KIFAP3: variants seen among roughly 807,000 people sequenced by gnomAD.
The protein encoded by KIFAP3 is kinesin associated protein 3.
In KIFAP3, 68 loss-of-function variants were observed where a neutral mutation model predicts 106.5. That is an observed-to-expected ratio of 0.64 (90% CI 0.53 to 0.78). The LOEUF is 0.78. Among genes scored for constraint, KIFAP3 ranks in the 30% least tolerant of loss-of-function variants. The pLI is 0.00. For synonymous variants in KIFAP3, 320 were observed against 311.5 expected (o/e 1.03, Z -0.29); for missense variants, 780 against 941.8 (o/e 0.83, Z 2.25).
chr1:169,977,360 C>G (rs936681887), intron 16 of KIFAP3, among the ~76,000 whole-genome samples: 1 of 152,086 alleles, frequency 6.6e-6, no homozygotes, highest in African/African-American at 2.4e-5. Context: ...TGATAAACTA[C>G]CAGGTACTAA....
rs1381971475 is a variant in KIFAP3, at chr1:170,034,372, C to T, written c.742G>A (p.Val248Ile). 1 of 1,604,152 alleles carries T rather than the reference C, an allele frequency of 6.2e-7. No homozygotes were observed. Among genetic ancestry groups the T allele is most frequent in the Non-Finnish European group, 8.5e-7 (1 of 1,175,946 alleles). ...TTCAAATGCCACTCTAAAAGGATATCAGCTTTCTTCTTCTTTGAGAGTTCT... is the reference window on the plus strand; with the variant it reads ...TTCAAATGCCACTCTAAAAGGATATTAGCTTTCTTCTTCTTTGAGAGTTCT... ...QEELSKKKKA[V>I]DEDPENQTLR... Residue 248 changes from valine (V) to isoleucine (I), a missense_variant and splice_region_variant, in exon 7 of 20, where the codon GTT becomes ATT. This residue lies in a region of KIFAP3 where 588 missense variants were observed against 678.9 expected (regional missense o/e 0.87). Transcript: ENST00000361580.
intron 17 of KIFAP3, among the ~76,000 whole-genome samples, chr1:169,962,746 T>C (rs1442663275): frequency 6.6e-6 from 1 of 152,240 alleles, no homozygotes; most frequent in East Asian, 1.9e-4. Flanking sequence ...ATTATTATTG[T>C]AATTTTCTTG....
chr1:170,081,277 T>A (rs1672016577), intron 1 of KIFAP3, among the ~76,000 whole-genome samples: 1 of 152,182 alleles, frequency 6.6e-6, no homozygotes, highest in African/African-American at 2.4e-5. Flanking sequence ...CTCTAGCTAA[T>A]AAGCACATAG....
At chr1:169,944,712 C>G (rs996276002) in intron 19 of KIFAP3, among the ~76,000 whole-genome samples, 1 of 152,102 alleles carries the variant, frequency 6.6e-6, no homozygotes, top group Non-Finnish European at 1.5e-5. Flanking sequence ...TTTCTGCAGG[C>G]GGCCTGATGA....
In KIFAP3 at chr1:170,065,340, G is replaced by A. The variant is rs936981280; in HGVS notation, c.32+9096C>T. Among the ~76,000 whole-genome samples the A allele has an allele frequency of 1.1e-4, 16 of 152,018 alleles. No homozygotes were observed. In the East Asian group the frequency reaches 1.7e-3, roughly 17 times the overall value. ...ATAAAAGAAATATTGGTGGCCGGGC[G>A]CAGTGGCTCACGCCTGTAATCCCAG... On this transcript the variant is annotated intron_variant, in intron 1 of 19. Coordinates refer to ENST00000361580, the MANE Select transcript of KIFAP3 (RefSeq NM_014970.4).
chr1:169,989,431 C>A (rs1666993162), intron 11 of KIFAP3, among the ~76,000 whole-genome samples: 3 of 151,916 alleles, frequency 2.0e-5, no homozygotes, highest in Non-Finnish European at 4.4e-5. Context: ...CAGTTCATAT[C>A]CTGTGGTCAA....
At chr1:169,962,118 T>G (rs1665371332) in intron 17 of KIFAP3, among the ~76,000 whole-genome samples, 1 of 152,124 alleles carries the variant, frequency 6.6e-6, no homozygotes, top group Non-Finnish European at 1.5e-5. Context: ...TAAAATGGTT[T>G]ACTAAAGAAA....
intron 10 of KIFAP3, among the ~76,000 whole-genome samples, chr1:169,994,615 TTAAA>T (rs1202164386): frequency 6.6e-6 from 1 of 152,088 alleles, no homozygotes; most frequent in Non-Finnish European, 1.5e-5. Context: ...CATTTTCACC[TTAAA>T]TAAAATCTAT....
intron 17 of KIFAP3, among the ~76,000 whole-genome samples, chr1:169,966,343 T>C (rs897224171): frequency 2.0e-5 from 3 of 151,558 alleles, no homozygotes; most frequent in Non-Finnish European, 4.4e-5. Context: ...GATCCAACAA[T>C]GATTCCAGAA....
chr1:169,990,340 T>C (rs1004761228), intron 11 of KIFAP3: 7 of 293,144 alleles, frequency 2.4e-5, no homozygotes, highest in African/African-American at 7.0e-5. Flanking sequence ...TTAGTGTTTA[T>C]GGAAGTGTCA....
intron 3 of KIFAP3, among the ~76,000 whole-genome samples, chr1:170,046,000 T>C (rs977162193): frequency 5.3e-5 from 8 of 152,036 alleles, no homozygotes; most frequent in East Asian, 1.9e-4. Context: ...AAGACCCTCA[T>C]AGAGGAATGA....
chr1:169,953,580 T>A (rs966773780), intron 19 of KIFAP3, among the ~76,000 whole-genome samples: 1 of 152,182 alleles, frequency 6.6e-6, no homozygotes, highest in Non-Finnish European at 1.5e-5. Flanking sequence ...AGTGGCGTGA[T>A]CTCGGCTCAC....
At chr1:170,078,460 A>G (rs913805130), upstream of KIFAP3, among the ~76,000 whole-genome samples, 1 of 152,186 alleles carries the variant, frequency 6.6e-6, no homozygotes, top group Non-Finnish European at 1.5e-5. Context: ...AGGACAAATT[A>G]CTAATATCTG....
At chr1:169,972,757 T>A (rs553046467) in intron 16 of KIFAP3, among the ~76,000 whole-genome samples, 159 bp from the exon 17 acceptor site, 62 of 151,880 alleles carry the variant, frequency 4.1e-4, no homozygotes, top group East Asian at 1.2e-3. Context: ...AAACACTTAA[T>A]GTTTCATTTG....
chr1:169,996,390 A>C (rs371552810), intron 10 of KIFAP3, among the ~76,000 whole-genome samples: 2 of 152,202 alleles, frequency 1.3e-5, no homozygotes, highest in African/African-American at 2.4e-5. Flanking sequence ...ATGGACAACT[A>C]ATCTTTCTTA....
chr1:169,933,411 A>G (rs981723421), intron 19 of KIFAP3, among the ~76,000 whole-genome samples: 9 of 152,072 alleles, frequency 5.9e-5, no homozygotes, highest in African/African-American at 2.2e-4. Flanking sequence ...CCTTAAGACT[A>G]TATTTAACTG....
chr1:169,925,125 C>T (rs1663063499), intron 19 of KIFAP3, among the ~76,000 whole-genome samples: 1 of 152,096 alleles, frequency 6.6e-6, no homozygotes, highest in African/African-American at 2.4e-5. Flanking sequence ...TACTCCTAAC[C>T]CACATAAAAT....
At chr1:169,990,408 C>A (rs1409657355) in intron 11 of KIFAP3, among the ~76,000 whole-genome samples, 5 of 151,094 alleles carry the variant, frequency 3.3e-5, no homozygotes, top group African/African-American at 1.2e-4. Context: ...TACCTTAACT[C>A]AGGAATGCAG....
chr1:170,055,407 T>G lies in KIFAP3; in HGVS notation c.62A>C (p.His21Pro). 1.2e-6 allele frequency: 2 copies of G among 1,605,098 alleles called. No homozygotes were observed. Among genetic ancestry groups the G allele is most frequent in the Non-Finnish European group, 1.7e-6 (2 of 1,174,458 alleles). Residue 21 changes from histidine to proline, a missense_variant, in exon 2 of 20, where the codon CAT becomes CCT. By Grantham distance (77) the His-to-Pro change is moderately conservative (BLOSUM62 -2). This residue lies in a region of KIFAP3 where 588 missense variants were observed against 678.9 expected (regional missense o/e 0.87). Coordinates refer to ENST00000361580, the MANE Select transcript of KIFAP3 (RefSeq NM_014970.4). ...RKVKGGNIDV[H>P]PSEKALIVHY... ...AACAATGAGTGCTTTTTCTGATGGATGTACATCTATATTCCCTCCTTTAAC... is the reference window on the plus strand; with the variant it reads ...AACAATGAGTGCTTTTTCTGATGGAGGTACATCTATATTCCCTCCTTTAAC...
Sources: allele counts gnomAD v4.1 joint callset (sites outside exome capture counted in the v4.1 genomes callset), GRCh38; gene constraint gnomAD v4.1.1; regional missense constraint gnomAD v4.1.1; transcripts MANE v1.5; gene names NCBI Gene and HGNC (gene_info 2026-07-23, HGNC 2026-07-21).